Variants in SIPA1L2 observed in about 807,000 individuals in gnomAD.
SIPA1L2 encodes signal induced proliferation associated 1 like 2.
A neutral mutation model predicts 163.9 loss-of-function variants in SIPA1L2; 56 were observed. The observed-to-expected ratio is 0.34, with a 90% confidence interval of 0.28 to 0.43. The LOEUF (loss-of-function observed/expected upper bound fraction) is 0.43, where lower values mean the gene tolerates loss of function less well. SIPA1L2 is among the 20% of genes least tolerant of loss of function. The probability of loss-of-function intolerance (pLI) is 1.00; values close to 1 mark genes in which losing one functional copy is unlikely to be tolerated. For synonymous variants in SIPA1L2, 877 were observed against 865.7 expected (o/e 1.01, Z -0.23); for missense variants, 1,974 against 2,193.5 (o/e 0.90, Z 2.00).
At chr1:232,531,064 A>G (rs1354261883) in intron 2 of SIPA1L2, among the ~76,000 whole-genome samples, 2 of 152,178 alleles carry the variant, frequency 1.3e-5, no homozygotes, top group Non-Finnish European at 2.9e-5. Flanking sequence ...AAATTGCAAC[A>G]TTTACTGAGC....
At chr1:232,530,449 C>A (rs1656841687) in intron 2 of SIPA1L2, among the ~76,000 whole-genome samples, 1 of 152,144 alleles carries the variant, frequency 6.6e-6, no homozygotes, top group Admixed American at 6.6e-5. Flanking sequence ...ACCCCTGTCA[C>A]ATTTTAGCCA....
intron 2 of SIPA1L2, among the ~76,000 whole-genome samples, chr1:232,518,192 A>G (rs1202835291): frequency 6.6e-6 from 1 of 152,228 alleles, no homozygotes; most frequent in Non-Finnish European, 1.5e-5. Context: ...ATCTCAGAAT[A>G]TTCCTTCTGT....
intron 1 of SIPA1L2, among the ~76,000 whole-genome samples, chr1:232,602,280 A>C (rs1056906305): frequency 2.0e-5 from 3 of 152,200 alleles, no homozygotes; most frequent in Non-Finnish European, 4.4e-5. Flanking sequence ...GAGGACCTAC[A>C]GTCCATGCTG....
intron 1 of SIPA1L2, among the ~76,000 whole-genome samples, chr1:232,588,791 A>G (rs1660811332): frequency 6.6e-6 from 1 of 152,248 alleles, no homozygotes; most frequent in African/African-American, 2.4e-5. Context: ...GCCAGATATT[A>G]AAGATATTCG....
intron 2 of SIPA1L2, among the ~76,000 whole-genome samples, chr1:232,544,743 T>TA (rs1376523742): frequency 6.6e-6 from 1 of 152,134 alleles, no homozygotes; most frequent in African/African-American, 2.4e-5. Flanking sequence ...TACTAGCAAA[T>TA]AAAAGATACC....
At position 232,515,142 on chromosome 1, in the gene SIPA1L2, A is replaced by C; in HGVS notation, c.198T>G (p.Asn66Lys). 6.2e-7 allele frequency: 1 copy of C among 1,614,044 alleles called. No individual in the cohort carries two copies. The highest frequency in any genetic ancestry group is 8.5e-7 in the Non-Finnish European group (1 of 1,179,922). Residue 66 changes from asparagine (N) to lysine (K), a missense_variant, in exon 3 of 23, where the codon AAT (asparagine) becomes AAG (lysine). Transcript: ENST00000674635. ...SNETGGGGPA[N>K]GTPAVPKMGV... ...CCATCTTGGGCACAGCTGGGGTACC[A>C]TTAGCCGGACCACCACCGCCAGTCT...
intron 7 of SIPA1L2, among the ~76,000 whole-genome samples, chr1:232,478,461 C>T (rs1665156098): frequency 6.6e-6 from 1 of 152,116 alleles, no homozygotes; most frequent in African/African-American, 2.4e-5. Context: ...AGGTAGTTGG[C>T]TGGTTTCCTC....
chr1:232,604,392 C>T (rs1661776811), intron 1 of SIPA1L2, among the ~76,000 whole-genome samples: 1 of 152,210 alleles, frequency 6.6e-6, no homozygotes, highest in Admixed American at 6.5e-5. Context: ...TTAACACATA[C>T]CAGATGTTCA....
At chr1:232,576,664 G>C (rs892921747) in intron 1 of SIPA1L2, among the ~76,000 whole-genome samples, 1 of 152,186 alleles carries the variant, frequency 6.6e-6, no homozygotes, top group Non-Finnish European at 1.5e-5. Flanking sequence ...GCCAAAACAG[G>C]CCGAAAGCTA....
At chr1:232,516,549 G>A (rs1667227979) in intron 2 of SIPA1L2, among the ~76,000 whole-genome samples, 1 of 151,982 alleles carries the variant, frequency 6.6e-6, no homozygotes, top group African/African-American at 2.4e-5. Context: ...CATTTTCCCT[G>A]TTTGCCATAT....
chr1:232,425,955 T>C (rs1322462159), intron 17 of SIPA1L2, 147 bp from the exon 18 acceptor site: 9 of 694,138 alleles, frequency 1.3e-5, no homozygotes, highest in East Asian at 1.1e-4. Context: ...AAACGCAGCA[T>C]GCAGGGGATC....
intron 7 of SIPA1L2, among the ~76,000 whole-genome samples, chr1:232,471,994 A>G (rs1234528296): frequency 6.6e-6 from 1 of 152,222 alleles, no homozygotes; most frequent in Non-Finnish European, 1.5e-5. Flanking sequence ...AAAAATACAG[A>G]ACACTGTCAT....
At chr1:232,609,549 G>T (rs10797584) in intron 1 of SIPA1L2, among the ~76,000 whole-genome samples, 30,592 of 152,028 alleles carry the variant, frequency 0.2, 3,843 homozygotes, top group African/African-American at 0.36. Flanking sequence ...CGAAGCAAGC[G>T]GCTGGGCATA....
intron 2 of SIPA1L2, among the ~76,000 whole-genome samples, chr1:232,558,833 C>A (rs1329787959): frequency 6.6e-6 from 1 of 152,168 alleles, no homozygotes; most frequent in Non-Finnish European, 1.5e-5. Context: ...TTTTACCAAA[C>A]AGATAACAAT....
chr1:232,555,493 C>T (rs1320424826), intron 2 of SIPA1L2, among the ~76,000 whole-genome samples: 1 of 152,186 alleles, frequency 6.6e-6, no homozygotes, highest in African/African-American at 2.4e-5. Flanking sequence ...AGAAGAACCT[C>T]CAGTTGCTCC....
At chr1:232,441,664 T>G in intron 13 of SIPA1L2, 104 bp downstream of exon 13, 5 of 986,722 alleles carry the variant, frequency 5.1e-6, no homozygotes, top group Non-Finnish European at 7.8e-6. Context: ...TTGGTGCACA[T>G]AGGTTGAATG....
intron 1 of SIPA1L2, among the ~76,000 whole-genome samples, chr1:232,582,713 T>A (rs1349008495): frequency 6.6e-6 from 1 of 152,206 alleles, no homozygotes; most frequent in Non-Finnish European, 1.5e-5. Flanking sequence ...CTAAGGTCTT[T>A]GAGAAATCTC....
At chr1:232,501,716 T>A (rs898687687) in intron 3 of SIPA1L2, among the ~76,000 whole-genome samples, 2 of 152,188 alleles carry the variant, frequency 1.3e-5, no homozygotes, top group Non-Finnish European at 2.9e-5. Flanking sequence ...TCTGGCCTTT[T>A]ATAAAGCATG....
In SIPA1L2 at chr1:232,465,093, A is replaced by G. The variant is rs748076962; in HGVS notation, c.2567T>C (p.Met856Thr). The G allele has an allele frequency of 1.9e-6, 3 of 1,614,216 alleles. No homozygotes were observed. Among genetic ancestry groups the G allele is most frequent in the Non-Finnish European group, 2.5e-6 (3 of 1,180,044 alleles). Residue 856 changes from methionine to threonine, a missense_variant, in exon 9 of 23, where the codon ATG becomes ACG. Transcript: ENST00000674635. This position sits in a 1 kb window ranked among gnomAD's most constrained non-coding sequence, Gnocchi z 4.1. ...GAAGTCCCGGGCTATCACGTGCCACATGATGGCCCCAATGCTAAACAAGTG... is the reference window on the plus strand; with the variant it reads ...GAAGTCCCGGGCTATCACGTGCCACGTGATGGCCCCAATGCTAAACAAGTG... ...DAHLFSIGAIMWHVIARDFGQ... is the reference protein window; with the variant it reads ...DAHLFSIGAITWHVIARDFGQ...
Sources: allele counts gnomAD v4.1 joint callset (sites outside exome capture counted in the v4.1 genomes callset), GRCh38; gene constraint gnomAD v4.1.1; non-coding constraint Gnocchi (gnomAD v3.1); transcripts MANE v1.5; gene names NCBI Gene and HGNC (gene_info 2026-07-23, HGNC 2026-07-21).